Variants in SPATA13 observed in about 807,000 individuals in gnomAD.
SPATA13 encodes the protein spermatogenesis-associated protein 13.
In SPATA13, 50 loss-of-function variants were observed where a neutral mutation model predicts 104.0. The ratio of observed to expected loss-of-function variants is 0.48; its 90% CI spans 0.38 to 0.61. The LOEUF is 0.61. Among genes scored for constraint, SPATA13 ranks in the 20% least tolerant of loss-of-function variants. SPATA13 has a pLI of 0.00. For synonymous variants in SPATA13, 606 were observed against 667.5 expected, an observed-to-expected ratio of 0.91 and a Z score of 1.42; for missense variants, 1,524 against 1,690.6, an observed-to-expected ratio of 0.90 and a Z score of 1.73.
At chr13:24,116,779 C>CCG (rs1880858773) in intron 3 of SPATA13, among the ~76,000 whole-genome samples, 2 of 151,374 alleles carry the variant, frequency 1.3e-5, no homozygotes, top group African/African-American at 4.8e-5. Context: ...GCCCCCCCCC[C>CCG]CCAATGTGCT....
chr13:23,981,315 G>T lies in SPATA13; in HGVS notation c.-354+1391G>T, dbSNP rs960468824. On this transcript the variant is annotated intron_variant, in intron 1 of 14. Coordinates refer to the SPATA13 transcript ENST00000424834. ...GGTTCGAATGATCTTTTTTAGAGCA[G>T]TTTTTTTGTAGCTACAATAGTACTT... Among the ~76,000 whole-genome samples, 8 of 152,208 alleles carry T rather than the reference G, an allele frequency of 5.3e-5. 1 individual carries two copies. The South Asian group carries it at 1.7e-3, about 32-fold the overall frequency.
At chr13:24,092,356 C>G (rs1879936909) in intron 3 of SPATA13, among the ~76,000 whole-genome samples, 1 of 152,188 alleles carries the variant, frequency 6.6e-6, no homozygotes, top group Admixed American at 6.5e-5. Flanking sequence ...ACTTATTTCT[C>G]ATACCCCATA....
At chr13:24,032,327 GTCCC>G (rs1877514529) in intron 3 of SPATA13, among the ~76,000 whole-genome samples, 1 of 152,156 alleles carries the variant, frequency 6.6e-6, no homozygotes, top group African/African-American at 2.4e-5. Flanking sequence ...CATAGCAGTG[GTCCC>G]TATACCCATT....
chr13:23,980,523 T>C (rs990521020), intron 1 of SPATA13, among the ~76,000 whole-genome samples: 3 of 152,208 alleles, frequency 2.0e-5, no homozygotes, highest in African/African-American at 7.2e-5. Context: ...ATGCTCTGCT[T>C]TTGAAAATAT....
intron 1 of SPATA13, among the ~76,000 whole-genome samples, chr13:24,217,233 C>T (rs1164620437): frequency 6.6e-6 from 1 of 152,184 alleles, no homozygotes; most frequent in African/African-American, 2.4e-5. Context: ...TCTCTTAAAA[C>T]TTTTTTCCAG....
At chr13:24,153,414 T>C (rs904756069) in intron 3 of SPATA13, among the ~76,000 whole-genome samples, 1 of 152,220 alleles carries the variant, frequency 6.6e-6, no homozygotes, top group Admixed American at 6.5e-5. Context: ...GAACTTGTTC[T>C]TGTCAGGTAG....
chr13:24,237,793 C>A (rs1403491839), intron 2 of SPATA13, among the ~76,000 whole-genome samples: 1 of 151,092 alleles, frequency 6.6e-6, no homozygotes. Context: ...AACCAGACCC[C>A]ATCTTATAAA....
At chr13:23,979,940 C>G (rs1366158772) in intron 1 of SPATA13, 3 of 152,292 alleles carry the variant, frequency 2.0e-5, no homozygotes, top group African/African-American at 7.2e-5. Context: ...TGGGATTTCT[C>G]TACATATTGT....
chr13:24,180,238 G>A (rs1868712663), intron 1 of SPATA13, among the ~76,000 whole-genome samples: 1 of 152,108 alleles, frequency 6.6e-6, no homozygotes, highest in South Asian at 2.1e-4. Flanking sequence ...AGTGTCATTT[G>A]TTGAAAGGAT....
chr13:23,980,602 T>C (rs1874839904), intron 1 of SPATA13, among the ~76,000 whole-genome samples: 1 of 152,168 alleles, frequency 6.6e-6, no homozygotes, highest in Non-Finnish European at 1.5e-5. Context: ...TTGTTTTGTT[T>C]TGTTCGTTTT....
At chr13:24,191,990 A>T (rs1056454298) in intron 1 of SPATA13, among the ~76,000 whole-genome samples, 1 of 152,162 alleles carries the variant, frequency 6.6e-6, no homozygotes, top group Non-Finnish European at 1.5e-5. Flanking sequence ...AAAAGGGAAC[A>T]AAAAAGAAAA....
rs117048764 is a variant in SPATA13, at chr13:24,269,120, A to G, written c.2165-15015A>G. Among the ~76,000 whole-genome samples the G allele has an allele frequency of 6.0e-3, 917 of 152,254 alleles. 4 individuals are homozygous for G. The highest frequency in any genetic ancestry group is 7.3e-3 in the Non-Finnish European group (494 of 68,026). On this transcript the variant is annotated intron_variant, in intron 4 of 12. Transcript: ENST00000382108. ...GACGGCTAACATTTATTAACCCCCA[A>G]TGAAGAGCCAGTGCTTCTCTAAACA...
chr13:24,141,005 T>C (rs1881744941), intron 3 of SPATA13, among the ~76,000 whole-genome samples: 3 of 151,850 alleles, frequency 2.0e-5, no homozygotes, highest in Admixed American at 2.0e-4. Flanking sequence ...TGAAACCCTG[T>C]CTCTACTAAA....
intron 2 of SPATA13, among the ~76,000 whole-genome samples, chr13:24,007,221 A>G (rs1876274117): frequency 1.3e-5 from 2 of 152,086 alleles, no homozygotes; most frequent in Non-Finnish European, 2.9e-5. Flanking sequence ...TGCAGAGTTT[A>G]ATACCCTTCT....
intron 3 of SPATA13, among the ~76,000 whole-genome samples, chr13:24,136,970 C>T (rs1357721999): frequency 2.0e-5 from 2 of 101,500 alleles, no homozygotes; most frequent in East Asian, 5.6e-4. Context: ...GCTGGGACTA[C>T]AGGCGCCCGC....
At position 24,297,635 on chromosome 13, in the gene SPATA13, C is replaced by T. The variant is rs368299819; in HGVS notation, c.3483C>T (p.Asp1161=). 70 of 1,614,204 alleles carry T rather than the reference C, an allele frequency of 4.3e-5. No individual in the cohort carries two copies. Among genetic ancestry groups the T allele is most frequent in the African/African-American group, 3.3e-4 (25 of 75,032 alleles). The part of the protein sequence containing the change: ...NAFKLVSRTT[D]EVYLFCAKKQ... ...TCAAGCTCGTCAGTAGGACCACAGA[C>T]GAGGTTTATTTGTTTTGTGCCAAAA... Residue 1161 remains aspartate (D), a synonymous_variant, in exon 11 of 13, where the codon GAC becomes GAT. Coordinates refer to ENST00000382108, the MANE Select transcript of SPATA13 (RefSeq NM_001166271.3).
At chr13:24,040,347 C>T (rs1593293928) in intron 3 of SPATA13, among the ~76,000 whole-genome samples, 1 of 152,194 alleles carries the variant, frequency 6.6e-6, no homozygotes, top group South Asian at 2.1e-4. Flanking sequence ...GTTTAAAGTC[C>T]TGAGGCCTCC....
chr13:23,986,761 G>A (rs1401556952), intron 2 of SPATA13, among the ~76,000 whole-genome samples: 1 of 152,182 alleles, frequency 6.6e-6, no homozygotes, highest in Non-Finnish European at 1.5e-5. Flanking sequence ...TTGAGAAAGA[G>A]CATCGGGGCC....
chr13:24,109,839 C>T (rs542456864), intron 3 of SPATA13, among the ~76,000 whole-genome samples: 2 of 151,968 alleles, frequency 1.3e-5, no homozygotes, highest in South Asian at 4.2e-4. Flanking sequence ...TGAATAATAT[C>T]ACCTGTGCCC....
Sources: allele counts gnomAD v4.1 joint callset (sites outside exome capture counted in the v4.1 genomes callset), GRCh38; gene constraint gnomAD v4.1.1; transcripts MANE v1.5; gene names NCBI Gene and HGNC (gene_info 2026-07-23, HGNC 2026-07-21).